The following ZNG1E variants were observed in gnomAD, a reference collection of about 807,000 sequenced individuals.
ZNG1E encodes the protein Zn regulated GTPase metalloprotein activator 1E, also known as zinc-regulated GTPase metalloprotein activator 1E.
At chr9:65,658,986 C>T in the ZNG1E span, among the ~76,000 whole-genome samples, 2 of 151,918 alleles carry the variant, frequency 1.3e-5, no homozygotes, top group Non-Finnish European at 2.9e-5. Context: ...TTCTAAACTA[C>T]TGGGGGTTAG....
chr9:65,728,943 A>G, the ZNG1E span, among the ~76,000 whole-genome samples: 176 of 147,002 alleles, frequency 1.2e-3, no homozygotes, highest in Admixed American at 2.3e-3. Context: ...TTGAACATAG[A>G]TGCTAAAATC....
chr9:65,714,910 C>T, the ZNG1E span, among the ~76,000 whole-genome samples: 2 of 151,830 alleles, frequency 1.3e-5, no homozygotes, highest in Non-Finnish European at 2.9e-5. Flanking sequence ...CTTCCTTGAG[C>T]TGTGGTGGGC....
chr9:65,687,955 G>A, the ZNG1E span, among the ~76,000 whole-genome samples: 1 of 150,640 alleles, frequency 6.6e-6, no homozygotes, highest in Non-Finnish European at 1.5e-5. Flanking sequence ...TTATTACCAT[G>A]AATACTTTTT....
At chr9:65,675,393 A>C in the ZNG1E span, among the ~76,000 whole-genome samples, 2 of 150,696 alleles carry the variant, frequency 1.3e-5, no homozygotes, top group Non-Finnish European at 3.0e-5. Flanking sequence ...AATACTAAAA[A>C]TTTGGAATTA....
At chr9:65,717,808 C>T in the ZNG1E span, among the ~76,000 whole-genome samples, 3 of 146,232 alleles carry the variant, frequency 2.1e-5, no homozygotes, top group African/African-American at 8.1e-5. Context: ...CCACCTCAGA[C>T]TCATGAGTAG....
chr9:65,666,762 C>A, the ZNG1E span, among the ~76,000 whole-genome samples: 2 of 150,880 alleles, frequency 1.3e-5, no homozygotes, highest in Admixed American at 6.6e-5. Context: ...TAAAAGGAAC[C>A]ATTATGATGT....
At chr9:65,691,632 T>A in the ZNG1E span, among the ~76,000 whole-genome samples, 2 of 152,270 alleles carry the variant, frequency 1.3e-5, no homozygotes. Flanking sequence ...TTGTTTGATT[T>A]ATGTCCTTAA....
At chr9:65,664,108 T>G in the ZNG1E span, among the ~76,000 whole-genome samples, 1 of 152,170 alleles carries the variant, frequency 6.6e-6, no homozygotes, top group African/African-American at 2.4e-5. Flanking sequence ...TTATATCACT[T>G]ATAATTGTTA....
At chr9:65,681,342 GT>G in the ZNG1E span, among the ~76,000 whole-genome samples, 1 of 152,246 alleles carries the variant, frequency 6.6e-6, no homozygotes, top group Admixed American at 6.5e-5. Flanking sequence ...AAGTAGGTAT[GT>G]TTATCAGTTT....
the ZNG1E span, among the ~76,000 whole-genome samples, chr9:65,659,029 G>T: frequency 6.6e-6 from 1 of 152,066 alleles, no homozygotes; most frequent in African/African-American, 2.4e-5. Context: ...TGGAAAGTGG[G>T]GCAGGGGACA....
At chr9:65,684,026 A>T in the ZNG1E span, among the ~76,000 whole-genome samples, 2 of 152,270 alleles carry the variant, frequency 1.3e-5, no homozygotes, top group Non-Finnish European at 2.9e-5. Flanking sequence ...ATTAAACACG[A>T]TTCAGCTTTT....
the ZNG1E span, among the ~76,000 whole-genome samples, chr9:65,673,778 C>T: frequency 7.2e-5 from 11 of 152,292 alleles, no homozygotes; most frequent in Non-Finnish European, 1.5e-4. Flanking sequence ...GCAATCCCTG[C>T]TGGGCGACAG....
the ZNG1E span, chr9:65,681,769 GT>G: frequency 8.8e-7 from 1 of 1,138,194 alleles, no homozygotes; most frequent in Non-Finnish European, 1.2e-6. Flanking sequence ...AATTTACACA[GT>G]TTGCTTCATT....
the ZNG1E span, among the ~76,000 whole-genome samples, chr9:65,663,584 T>G: frequency 1.5e-3 from 218 of 146,286 alleles, no homozygotes; most frequent in African/African-American, 5.2e-3. Context: ...CATTCCCCTA[T>G]AGTTAAATAG....
the ZNG1E span, among the ~76,000 whole-genome samples, chr9:65,674,701 CTTA>C: frequency 6.6e-6 from 1 of 151,690 alleles, no homozygotes; most frequent in African/African-American, 2.4e-5. Flanking sequence ...AATGAGATCT[CTTA>C]TAATTTGCTG....
the ZNG1E span, among the ~76,000 whole-genome samples, chr9:65,715,032 G>A: frequency 1.3e-5 from 2 of 149,436 alleles, no homozygotes; most frequent in Admixed American, 6.7e-5. Context: ...TCAGACTGCT[G>A]TGCTAGCAAT....
chr9:65,716,630 A>G, the ZNG1E span, among the ~76,000 whole-genome samples: 15 of 149,380 alleles, frequency 1.0e-4, no homozygotes, highest in African/African-American at 3.7e-4. Context: ...CTTTTACTTT[A>G]TGAATTGGAA....
At chr9:65,684,720 G>T in the ZNG1E span, among the ~76,000 whole-genome samples, 1 of 152,132 alleles carries the variant, frequency 6.6e-6, no homozygotes, top group African/African-American at 2.4e-5. Flanking sequence ...TACTGAATCG[G>T]AATCTCTAAG....
the ZNG1E span, among the ~76,000 whole-genome samples, chr9:65,716,537 T>C: frequency 6.8e-6 from 1 of 146,788 alleles, no homozygotes; most frequent in African/African-American, 2.5e-5. Flanking sequence ...TTTTCCACCT[T>C]CAGTCTGTGG....
Sources: gnomAD v4.1 joint callset for allele counts (sites outside exome capture counted in the v4.1 genomes callset) on GRCh38, gnomAD v4.1.1 for gene constraint, MANE v1.5 for transcripts, NCBI Gene and HGNC (gene_info 2026-07-23, HGNC 2026-07-21) for gene names.